The following S100PBP variants were observed in gnomAD, a reference collection of about 807,000 sequenced individuals.
S100PBP encodes the protein S100P-binding protein.
Under a neutral mutation model 39.9 loss-of-function variants are expected in S100PBP, and 15 were observed. That is an observed-to-expected ratio of 0.38 (90% confidence interval 0.25 to 0.58). The LOEUF (loss-of-function observed/expected upper bound fraction) is 0.58. S100PBP is among the 20% of genes least tolerant of loss of function. S100PBP has a pLI of 0.70. For missense variants in S100PBP, 504 were observed against 487.3 expected, an observed-to-expected ratio of 1.03 and a Z score of -0.32; for synonymous variants, 178 against 180.3, an observed-to-expected ratio of 0.99 and a Z score of 0.10.
In S100PBP at chr1:32,826,738, T is replaced by G; in HGVS notation, c.639T>G (p.Ser213=). 1.2e-6 allele frequency: 2 copies of G among 1,614,156 alleles called. No individual in the cohort carries two copies. Among genetic ancestry groups the G allele is most frequent in the Non-Finnish European group, 1.7e-6 (2 of 1,180,006 alleles). Residue 213 remains serine (S), a synonymous_variant, in exon 3 of 7, where the codon TCT becomes TCG. Coordinates refer to ENST00000373475, the MANE Select transcript of S100PBP (RefSeq NM_022753.4). ...CTGCCTGGAATGGGCCCCAGCTCTC[T>G]TCTTCAAACAATAACTTTCAACAGA... is the stretch of plus-strand genomic sequence containing the variant. ...NNSAWNGPQL[S]SSNNNFQQTV... is the part of the protein sequence containing the mutation.
intron 5 of S100PBP, among the ~76,000 whole-genome samples, chr1:32,844,157 C>G (rs948683844): frequency 1.3e-5 from 2 of 152,084 alleles, no homozygotes; most frequent in Non-Finnish European, 2.9e-5. Flanking sequence ...CTTAGGTGAT[C>G]CGCCCACTTC....
upstream of S100PBP, chr1:32,817,144 G>A: frequency 6.2e-7 from 1 of 1,611,502 alleles, no homozygotes; most frequent in Non-Finnish European, 8.5e-7. Flanking sequence ...CTGAACCTCG[G>A]GCTCCTAATC....
At position 32,856,183 on chromosome 1, in the gene S100PBP, G is replaced by A; in HGVS notation, c.*145G>A. Reference sequence around the variant, plus strand: ...TATTTAAAAAACTCGTCACCTTTTGGAAATGCCCATTGCCGACTTGAATTT... The same window carrying A: ...TATTTAAAAAACTCGTCACCTTTTGAAAATGCCCATTGCCGACTTGAATTT... On this transcript the variant is annotated 3_prime_UTR_variant, in exon 7 of 7. Transcript: ENST00000373475. 1.2e-5 allele frequency: 6 copies of A among 516,646 alleles called. No homozygotes were observed. The South Asian group carries it at 1.5e-4, about 13-fold the overall frequency. 32.0% of individuals were successfully genotyped at this position (516,646 alleles called of 1,614,324 possible). A position where few individuals can be genotyped will look rare whatever the true frequency, so the allele number is the denominator to read the frequency against.
At chr1:32,842,234 TATACACACACACACACAC>T (rs1640147546) in intron 5 of S100PBP, among the ~76,000 whole-genome samples, 1 of 91,954 alleles carries the variant, frequency 1.1e-5, no homozygotes, top group South Asian at 3.4e-4. Context: ...TATATATATA[TATACACACACACACACAC>T]ACACACACAC....
In S100PBP at chr1:32,853,041, C is replaced by T. The variant is rs776204285; in HGVS notation, c.1025-38C>T. The T allele has an allele frequency of 2.1e-6, 3 of 1,437,328 alleles. No homozygotes were observed. In the East Asian group the frequency reaches 6.8e-5, roughly 33 times the overall value. 89.0% of individuals were successfully genotyped at this position (1,437,328 alleles called of 1,614,324 possible). A position where few individuals can be genotyped will look rare whatever the true frequency, so the allele number is the denominator to read the frequency against. The stretch of plus-strand genomic sequence containing the variant: ...CTTTGACGTTGGCTGACGTAGTTCA[C>T]TCAGCTGTTCCTAACCACTGATCCC... On this transcript the variant is annotated intron_variant, in intron 5 of 6. Coordinates refer to ENST00000373475, the MANE Select transcript of S100PBP (RefSeq NM_022753.4).
At chr1:32,852,262 G>A (rs1232402562) in intron 5 of S100PBP, among the ~76,000 whole-genome samples, 6 of 151,540 alleles carry the variant, frequency 4.0e-5, no homozygotes, top group East Asian at 3.9e-4. Context: ...GCAGTGAACC[G>A]AAATCATGCC....
At chr1:32,853,208 C>T (rs1640687336) in intron 6 of S100PBP, 42 bp downstream of exon 6, 12 of 1,463,032 alleles carry the variant, frequency 8.2e-6, no homozygotes, top group Non-Finnish European at 1.1e-5. Flanking sequence ...GGTAGAATGG[C>T]TGGGCGCGGT....
chr1:32,843,220 T>G (rs935526878), intron 5 of S100PBP: 7 of 152,202 alleles, frequency 4.6e-5, no homozygotes, highest in African/African-American at 1.7e-4. Context: ...AATAAAGAAA[T>G]TTTTACTTGT....
At chr1:32,825,225 G>A (rs1639272575) in intron 1 of S100PBP, 88 bp from the exon 2 acceptor site, 1 of 151,890 alleles carries the variant, frequency 6.6e-6, no homozygotes, top group African/African-American at 2.4e-5. Flanking sequence ...TTAATACATC[G>A]AGCACCTTAA....
At chr1:32,855,021 T>C (rs1396347435) in intron 6 of S100PBP, among the ~76,000 whole-genome samples, 1 of 152,222 alleles carries the variant, frequency 6.6e-6, no homozygotes, top group African/African-American at 2.4e-5. Flanking sequence ...AGTAGGATTG[T>C]CACAGTATTA....
intron 6 of S100PBP, among the ~76,000 whole-genome samples, chr1:32,853,556 G>T (rs1431114826): frequency 6.6e-6 from 1 of 150,994 alleles, no homozygotes; most frequent in African/African-American, 2.4e-5. Context: ...GGTTGGAATT[G>T]TTTAATTCAA....
At chr1:32,820,144 CTTTTTTTTTT>C (rs5773387) in intron 1 of S100PBP, among the ~76,000 whole-genome samples, 1 of 104,828 alleles carries the variant, frequency 9.5e-6, no homozygotes, top group South Asian at 3.0e-4. Flanking sequence ...CGTTCCTATG[CTTTTTTTTTT>C]TTTTTTTTTT....
At chr1:32,842,180 C>CAA in intron 5 of S100PBP, among the ~76,000 whole-genome samples, 1 of 56,418 alleles carries the variant, frequency 1.8e-5, no homozygotes. Flanking sequence ...AAGACTGTCT[C>CAA]AAAAAAAAAA....
upstream of S100PBP, chr1:32,817,358 T>G: frequency 7.2e-7 from 1 of 1,379,874 alleles, no homozygotes; most frequent in Non-Finnish European, 1.0e-6. Flanking sequence ...TTGCATCAGC[T>G]GGGCTCGGCG....
chr1:32,837,248 TTGTA>T (rs1483050997), intron 5 of S100PBP: 2 of 151,178 alleles, frequency 1.3e-5, no homozygotes, highest in Non-Finnish European at 2.9e-5. Flanking sequence ...TTTTATTTCT[TTGTA>T]TGTCATCTGT....
At chr1:32,847,780 A>G (rs1640443016) in intron 5 of S100PBP, 1 of 151,138 alleles carries the variant, frequency 6.6e-6, no homozygotes, top group Admixed American at 6.6e-5. Context: ...ATATTTTATT[A>G]ATCTATTTAT....
rs1640902777 is a variant in S100PBP at position 32,858,636 on chromosome 1, TGAC to T, written c.*2602_*2604del. 1 of 152,232 alleles carries T rather than the reference TGAC, an allele frequency of 6.6e-6. No individual in the cohort carries two copies. The highest frequency in any genetic ancestry group is 1.5e-5 in the Non-Finnish European group (1 of 68,044). 9.4% of individuals were successfully genotyped at this position (152,232 alleles called of 1,614,324 possible). The stretch of plus-strand genomic sequence containing the variant: ...TGCATTTAACTGCTTTCTTCATCCA[TGAC>T]GACATTCCCACCATGGGGGTCTTGA... On this transcript the variant is annotated 3_prime_UTR_variant, in exon 7 of 7. Transcript: ENST00000373475.
At chr1:32,816,974 A>G, upstream of S100PBP, 2 of 629,112 alleles carry the variant, frequency 3.2e-6, no homozygotes, top group South Asian at 3.7e-5. Context: ...AGACAACTGG[A>G]CGCAAGAGGT....
upstream of S100PBP, chr1:32,817,334 C>A: frequency 1.9e-6 from 3 of 1,543,578 alleles, no homozygotes; most frequent in African/African-American, 1.4e-5. Flanking sequence ...AACTGTCACG[C>A]GAGTCCAGCC....
Sources: gnomAD v4.1 joint callset for allele counts (sites outside exome capture counted in the v4.1 genomes callset) on GRCh38, gnomAD v4.1.1 for gene constraint, MANE v1.5 for transcripts, NCBI Gene and HGNC (gene_info 2026-07-23, HGNC 2026-07-21) for gene names.